The following ZFAT variants were observed in gnomAD, a reference collection of about 807,000 sequenced individuals.
ZFAT encodes zinc finger and AT-hook domain containing.
A neutral mutation model predicts 117.7 loss-of-function variants in ZFAT; 64 were observed. The observed-to-expected ratio is 0.54, with a 90% CI of 0.44 to 0.67. The LOEUF is 0.67. Among genes scored for constraint, ZFAT ranks in the 30% least tolerant of loss-of-function variants. The pLI, the probability that ZFAT is intolerant of heterozygous loss-of-function variation, is 0.00. For missense variants in ZFAT, 1,433 were observed against 1,584.5 expected (o/e 0.90, Z 1.62); for synonymous variants, 679 against 615.0 (o/e 1.10, Z -1.54).
intron 9 of ZFAT, among the ~76,000 whole-genome samples, chr8:134,585,858 C>A (rs1826033752): frequency 6.6e-6 from 1 of 152,186 alleles, no homozygotes; most frequent in South Asian, 2.1e-4. Context: ...TATTAGGAAA[C>A]CTTGAACAAA....
Position 134,550,198 on chromosome 8 carries a change from C to T in ZFAT, c.2976+15135G>A, listed in dbSNP as rs1823027514. ...AAGGCCGAGTCCACCGGGCACCACC[C>T]ATGCTGGGAGATAAAAATCTTTTAA... On this transcript the variant is annotated intron_variant, in intron 11 of 15. Transcript: ENST00000377838. 2.0e-5 allele frequency among the ~76,000 whole-genome samples: 3 copies of T among 151,036 alleles called. No homozygotes were observed. In the Admixed American group the frequency reaches 2.0e-4, roughly 10 times the overall value.
chr8:134,773,984 A>AT, the ZFAT span, among the ~76,000 whole-genome samples: 17,921 of 102,624 alleles, frequency 0.17, 3,053 homozygotes, highest in Non-Finnish European at 0.2. Flanking sequence ...TTGAGGATTA[A>AT]TTTTTTTTTT....
At chr8:134,720,399 G>A in the ZFAT span, among the ~76,000 whole-genome samples, 1 of 152,216 alleles carries the variant, frequency 6.6e-6, no homozygotes, top group South Asian at 2.1e-4. Flanking sequence ...GAGTCCATTT[G>A]GGGGAAGGAT....
chr8:134,725,217 G>A, the ZFAT span, among the ~76,000 whole-genome samples: 12,023 of 152,198 alleles, frequency 0.079, 660 homozygotes, highest in African/African-American at 0.15. Flanking sequence ...TTCTCCCTCA[G>A]AACTGTAAGC....
At chr8:134,626,254 G>A (rs1239104650) in intron 3 of ZFAT, among the ~76,000 whole-genome samples, 1 of 152,154 alleles carries the variant, frequency 6.6e-6, no homozygotes, top group Non-Finnish European at 1.5e-5. Context: ...CTGAAGCAGG[G>A]GAGCGTGGAG....
the ZFAT span, among the ~76,000 whole-genome samples, chr8:134,790,824 G>A: frequency 4.6e-5 from 7 of 151,582 alleles, no homozygotes; most frequent in Admixed American, 2.0e-4. Flanking sequence ...AGACCAGCTC[G>A]GGCAACACAG....
chr8:134,780,052 T>C, the ZFAT span, among the ~76,000 whole-genome samples: 1 of 152,238 alleles, frequency 6.6e-6, no homozygotes, highest in East Asian at 1.9e-4. Flanking sequence ...AATCAGCTGC[T>C]GTCCAAAACA....
chr8:134,596,475 GAATTTTTCTTAGATGCTTCAT>G lies in ZFAT; in HGVS notation c.2475+3940_2475+3960del, dbSNP rs1216247818. Among the ~76,000 whole-genome samples, 8 of 152,300 alleles carry G rather than the reference GAATTTTTCTTAGATGCTTCAT, an allele frequency of 5.3e-5. No individual in the cohort carries two copies. The East Asian group carries it at 1.3e-3, about 26-fold the overall frequency. On this transcript the variant is annotated intron_variant, in intron 7 of 15. Transcript: ENST00000377838. ...AAAATAATTTTTCTTAGATGCTTCA[GAATTTTTCTTAGATGCTTCAT>G]AATTTTTGAAAACCCTTTAAGGAAA...
chr8:134,557,572 A>G (rs1303759168), intron 11 of ZFAT, among the ~76,000 whole-genome samples: 4 of 152,250 alleles, frequency 2.6e-5, no homozygotes, highest in Non-Finnish European at 4.4e-5. Context: ...TCTCTGTACT[A>G]TAGTCACATT....
rs184261834 is a variant in ZFAT at position 134,516,687 on chromosome 8, A to G, written c.3235-4086T>C. 2.5e-3 allele frequency among the ~76,000 whole-genome samples: 375 copies of G among 152,150 alleles called. 2 individuals carry two copies. Among genetic ancestry groups the G allele is most frequent in the African/African-American group, 8.5e-3 (352 of 41,492 alleles). On this transcript the variant is annotated intron_variant, in intron 13 of 15. Transcript: ENST00000377838. ...CTGTCTCTATTTTTAAAAAATTTCA[A>G]AAAATTATAGTGCTTGCCTATAATC...
the ZFAT span, among the ~76,000 whole-genome samples, chr8:134,801,196 T>G: frequency 3.3e-5 from 5 of 151,968 alleles, no homozygotes; most frequent in African/African-American, 1.2e-4. Flanking sequence ...TCCCCCACAT[T>G]CAGAATTCAG....
In ZFAT at chr8:134,600,211, C is replaced by A. The variant is rs575498384; in HGVS notation, c.2475+225G>T. On this transcript the variant is annotated intron_variant, in intron 7 of 15. Transcript: ENST00000377838. ...TTATCTGATGCTAAAAAAATTTGCACAGGAAACAATTTATTCCATCTAATC... is the reference window on the plus strand; with the variant it reads ...TTATCTGATGCTAAAAAAATTTGCAAAGGAAACAATTTATTCCATCTAATC... 1.2e-5 allele frequency: 7 copies of A among 564,402 alleles called. No homozygotes were observed. In the South Asian group the frequency reaches 1.4e-4, roughly 11 times the overall value. 35.0% of individuals were successfully genotyped at this position (564,402 alleles called of 1,614,324 possible).
chr8:134,807,420 C>T, the ZFAT span, among the ~76,000 whole-genome samples: 1 of 148,706 alleles, frequency 6.7e-6, no homozygotes, highest in African/African-American at 2.5e-5. Flanking sequence ...CATTTTGTAA[C>T]TTAAGATAAA....
upstream of ZFAT, among the ~76,000 whole-genome samples, chr8:134,714,116 C>CA (rs1288150678): frequency 7.0e-6 from 1 of 141,912 alleles, no homozygotes; most frequent in Admixed American, 7.0e-5. Flanking sequence ...TGCCCCCCCC[C>CA]CCCCAAAAAA....
chr8:134,725,179 A>C, the ZFAT span, among the ~76,000 whole-genome samples: 35 of 152,130 alleles, frequency 2.3e-4, no homozygotes, highest in African/African-American at 7.5e-4. Context: ...GCCCCATCCC[A>C]CATATCGTTA....
intron 1 of ZFAT, among the ~76,000 whole-genome samples, chr8:134,682,867 G>C (rs4398863): frequency 0.75 from 113,989 of 151,898 alleles, 42,894 homozygotes; most frequent in South Asian, 0.83. Flanking sequence ...CACTTCTATG[G>C]CAGCACAACA....
chr8:134,665,243 C>G (rs531750146), intron 1 of ZFAT, among the ~76,000 whole-genome samples: 68 of 152,318 alleles, frequency 4.5e-4, no homozygotes, highest in African/African-American at 1.5e-3. Flanking sequence ...CAGAAGGTGG[C>G]CACTTCTCTG....
intron 11 of ZFAT, among the ~76,000 whole-genome samples, chr8:134,563,939 A>G (rs1824235047): frequency 6.6e-6 from 1 of 152,056 alleles, no homozygotes; most frequent in Non-Finnish European, 1.5e-5. Flanking sequence ...TCAGGCACCA[A>G]TAAAAATATT....
At chr8:134,544,470 T>C (rs1362464732) in intron 11 of ZFAT, among the ~76,000 whole-genome samples, 4 of 151,794 alleles carry the variant, frequency 2.6e-5, no homozygotes, top group Non-Finnish European at 5.9e-5. Flanking sequence ...AAATTAAATT[T>C]AAGAACTTTA....
Sources: allele counts gnomAD v4.1 joint callset (sites outside exome capture counted in the v4.1 genomes callset), GRCh38; gene constraint gnomAD v4.1.1; transcripts MANE v1.5; gene names NCBI Gene and HGNC (gene_info 2026-07-23, HGNC 2026-07-21).